The following CNTN4 variants were observed in gnomAD, a reference collection of about 807,000 sequenced individuals.
CNTN4 encodes contactin 4.
A neutral mutation model predicts 122.5 loss-of-function variants in CNTN4; 77 were observed. That is an observed-to-expected ratio of 0.63 (90% confidence interval 0.52 to 0.76). CNTN4 has a LOEUF of 0.76. Among genes scored for constraint, CNTN4 ranks in the 30% least tolerant of loss-of-function variants. CNTN4 has a pLI of 0.00. For synonymous variants in CNTN4, 512 were observed against 447.0 expected (o/e 1.15, Z -1.83); for missense variants, 1,256 against 1,259.1 (o/e 1.00, Z 0.04).
At chr3:2,632,551 G>A (rs889368760) in intron 4 of CNTN4, among the ~76,000 whole-genome samples, 1 of 152,100 alleles carries the variant, frequency 6.6e-6, no homozygotes, top group Non-Finnish European at 1.5e-5. Flanking sequence ...CTCTTCTCAT[G>A]CTCACTGTGG....
chr3:2,932,814 T>TTATG (rs1275262905), intron 13 of CNTN4, among the ~76,000 whole-genome samples: 4 of 134,350 alleles, frequency 3.0e-5, no homozygotes, highest in African/African-American at 1.1e-4. Flanking sequence ...ATTTATTTAT[T>TTATG]TATTTATTTA....
Position 2,109,714 on chromosome 3 carries a change from TG to T in CNTN4, c.-145+9076del, listed in dbSNP as rs1386224295. 3.3e-5 allele frequency among the ~76,000 whole-genome samples: 5 copies of T among 152,340 alleles called. No homozygotes were observed. In the East Asian group the frequency reaches 9.6e-4, roughly 29 times the overall value. ...GTCATCATTTTAAGTTGTGCAAATT[TG>T]TATTGTTATCCATATTATGATGGGT... On this transcript the variant is annotated intron_variant, in intron 2 of 24. Transcript: ENST00000418658.
At chr3:2,269,748 T>G (rs1179321438) in intron 2 of CNTN4, among the ~76,000 whole-genome samples, 1 of 152,042 alleles carries the variant, frequency 6.6e-6, no homozygotes, top group East Asian at 1.9e-4. Context: ...ACCTGATGGA[T>G]TACAGAGTCT....
Position 3,057,673 on chromosome 3 carries a change from T to G in CNTN4, c.*1453T>G. Reference sequence around the variant, plus strand: ...CAACCTTCTAGTTATATTTATCCAATAAAGTCATAATCGGGATTCCATTTG... The same window carrying G: ...CAACCTTCTAGTTATATTTATCCAAGAAAGTCATAATCGGGATTCCATTTG... On this transcript the variant is annotated 3_prime_UTR_variant, in exon 25 of 25. Transcript: ENST00000418658. 6.6e-6 allele frequency: 1 copy of G among 152,606 alleles called. No homozygotes were observed. The allele number at this position is 152,606 out of a possible 1,614,324, so 9.5% of individuals were successfully genotyped here. A position where few individuals can be genotyped will look rare whatever the true frequency, so the allele number is the denominator to read the frequency against.
At chr3:2,463,222 C>G (rs189486283) in intron 3 of CNTN4, among the ~76,000 whole-genome samples, 5 of 151,090 alleles carry the variant, frequency 3.3e-5, no homozygotes. Context: ...AAAAAAAACA[C>G]TTGACTTTAA....
intron 2 of CNTN4, among the ~76,000 whole-genome samples, chr3:2,214,172 G>A (rs150658975): frequency 4.2e-4 from 64 of 152,248 alleles, no homozygotes; most frequent in African/African-American, 1.3e-3. Context: ...GATAAGGTGA[G>A]TAATGTGGTG....
intron 4 of CNTN4, among the ~76,000 whole-genome samples, chr3:2,732,303 G>T (rs2088750548): frequency 6.6e-6 from 1 of 152,150 alleles, no homozygotes; most frequent in Non-Finnish European, 1.5e-5. Flanking sequence ...ATGCACCCCA[G>T]ATTCTTCTGG....
chr3:2,775,917 T>C (rs939102667), intron 6 of CNTN4, among the ~76,000 whole-genome samples: 1 of 152,232 alleles, frequency 6.6e-6, no homozygotes, highest in Non-Finnish European at 1.5e-5. Context: ...ACCTGACCCA[T>C]ATATGCAGTT....
intron 3 of CNTN4, among the ~76,000 whole-genome samples, chr3:2,453,763 T>G (rs1469377329): frequency 6.6e-6 from 1 of 152,138 alleles, no homozygotes; most frequent in Non-Finnish European, 1.5e-5. Context: ...ACAAAAGCAA[T>G]AGATATGTAT....
chr3:2,545,590 A>G (rs756792090), intron 3 of CNTN4, among the ~76,000 whole-genome samples: 22 of 148,948 alleles, frequency 1.5e-4, no homozygotes, highest in Admixed American at 2.7e-4. Flanking sequence ...CACTTATTGA[A>G]TTGAACCCTT....
chr3:2,955,573 A>T (rs1237459202), intron 13 of CNTN4, among the ~76,000 whole-genome samples: 5 of 152,148 alleles, frequency 3.3e-5, no homozygotes, highest in Admixed American at 2.6e-4. Context: ...TAGCTTACTG[A>T]CTCTGATTGA....
chr3:3,042,946 G>T, intron 21 of CNTN4, 31 bp from the exon 22 acceptor site: 1 of 1,583,404 alleles, frequency 6.3e-7, no homozygotes, highest in Non-Finnish European at 8.7e-7. Flanking sequence ...ATTGGGTATG[G>T]TTTCCAAGGT....
intron 4 of CNTN4, among the ~76,000 whole-genome samples, chr3:2,619,575 A>C (rs1285442354): frequency 2.0e-5 from 3 of 152,198 alleles, no homozygotes; most frequent in Admixed American, 1.3e-4. Flanking sequence ...TAATTGTAAA[A>C]TGATGGACAT....
intron 8 of CNTN4, among the ~76,000 whole-genome samples, chr3:2,874,733 G>A (rs1432485529): frequency 1.3e-5 from 2 of 152,198 alleles, no homozygotes; most frequent in East Asian, 1.9e-4. Flanking sequence ...TGAAGAAACC[G>A]GGCCTGGTCT....
chr3:2,151,304 G>C (rs560856561), intron 2 of CNTN4, among the ~76,000 whole-genome samples: 1 of 152,222 alleles, frequency 6.6e-6, no homozygotes, highest in South Asian at 2.1e-4. Context: ...AGGCAAGAAG[G>C]GCGAAGCATC....
intron 4 of CNTN4, among the ~76,000 whole-genome samples, chr3:2,643,101 G>A (rs1249926500): frequency 1.3e-5 from 2 of 152,150 alleles, no homozygotes; most frequent in African/African-American, 4.8e-5. Flanking sequence ...TCTCTATGGA[G>A]CCCCTTTTAT....
At chr3:2,543,951 T>G (rs2078135917) in intron 3 of CNTN4, among the ~76,000 whole-genome samples, 1 of 152,156 alleles carries the variant, frequency 6.6e-6, no homozygotes, top group Admixed American at 6.6e-5. Flanking sequence ...GACAAGCCTC[T>G]GTGGTAGACA....
At chr3:2,226,938 A>C (rs1021924601) in intron 2 of CNTN4, among the ~76,000 whole-genome samples, 3 of 152,108 alleles carry the variant, frequency 2.0e-5, no homozygotes, top group African/African-American at 7.2e-5. Context: ...TTTCCATTTT[A>C]TAAATGAAGA....
chr3:2,668,806 C>A (rs929431968), intron 4 of CNTN4, among the ~76,000 whole-genome samples: 2 of 152,120 alleles, frequency 1.3e-5, no homozygotes, highest in Admixed American at 6.6e-5. Context: ...GCATGAAGGG[C>A]TGTTGAATTT....
Sources: gnomAD v4.1 joint callset for allele counts (sites outside exome capture counted in the v4.1 genomes callset) on GRCh38, gnomAD v4.1.1 for gene constraint, MANE v1.5 for transcripts, NCBI Gene and HGNC (gene_info 2026-07-23, HGNC 2026-07-21) for gene names.